RBM24: variants seen among roughly 807,000 people sequenced by gnomAD.
The protein encoded by RBM24 is RNA-binding protein 24.
RBM24 carries 5 observed loss-of-function variants against 23.6 expected under a neutral mutation model. That is an observed-to-expected ratio of 0.21 (90% CI 0.11 to 0.45). The LOEUF (loss-of-function observed/expected upper bound fraction) is 0.45, where lower values mean the gene tolerates loss of function less well. RBM24 is among the 20% of genes least tolerant of loss of function. The probability of loss-of-function intolerance (pLI) is 0.99; values close to 1 mark genes in which losing one functional copy is unlikely to be tolerated. For synonymous variants in RBM24, 151 were observed against 129.5 expected (o/e 1.17, Z -1.13); for missense variants, 252 against 314.6 (o/e 0.80, Z 1.51).
intron 3 of RBM24, chr6:17,290,776 T>C (rs142263673): frequency 1.0e-6 from 1 of 972,642 alleles, no homozygotes; most frequent in Non-Finnish European, 1.4e-6. Context: ...AAATATTTAG[T>C]TGTACTTCCC....
At position 17,292,228 on chromosome 6, in the gene RBM24, A is replaced by C. The variant is rs1760392186; in HGVS notation, c.*109A>C. The C allele has an allele frequency of 1.9e-6, 2 of 1,044,192 alleles. No homozygotes were observed. The allele number at this position is 1,044,192 out of a possible 1,614,324, so 64.7% of individuals were successfully genotyped here. A position where few individuals can be genotyped will look rare whatever the true frequency, so the allele number is the denominator to read the frequency against. On this transcript the variant is annotated 3_prime_UTR_variant, in exon 4 of 4. Coordinates refer to ENST00000379052, the MANE Select transcript of RBM24 (RefSeq NM_001143942.2). ...TGACTTAACAGCTTTAAAAAAAAAA[A>C]CAGCCATGCTATTGTGAAGCAGAGT...
chr6:17,291,351 T>C (rs897698142), intron 3 of RBM24, among the ~76,000 whole-genome samples: 2 of 152,198 alleles, frequency 1.3e-5, no homozygotes, highest in African/African-American at 4.8e-5. Context: ...TGGCTAAGAA[T>C]TTTTCTATTT....
In RBM24 at chr6:17,281,971, C is replaced by T; in HGVS notation, c.168+222C>T. On this transcript the variant is annotated intron_variant, in intron 1 of 3. Coordinates refer to ENST00000379052, the MANE Select transcript of RBM24 (RefSeq NM_001143942.2). This position sits in a 1 kb window ranked among gnomAD's most constrained non-coding sequence, Gnocchi z 7.1. ...ACCCAGCGCTGTGCGAGGTCGGGGGCCGGGCAGGGCAGAGCAGGGGTGAAA... is the reference window on the plus strand; with the variant it reads ...ACCCAGCGCTGTGCGAGGTCGGGGGTCGGGCAGGGCAGAGCAGGGGTGAAA... 1.5e-6 allele frequency: 2 copies of T among 1,367,178 alleles called. 1 individual carries two copies. The highest frequency in any genetic ancestry group is 3.0e-5 in the South Asian group (2 of 65,862). 84.7% of individuals were successfully genotyped at this position (1,367,178 alleles called of 1,614,324 possible).
At chr6:17,282,327 A>C in intron 1 of RBM24, 1 of 1,078,164 alleles carries the variant, frequency 9.3e-7, no homozygotes, top group Non-Finnish European at 1.3e-6. Flanking sequence ...GCCGAAGAGC[A>C]GGGAGCCCCA....
intron 2 of RBM24, among the ~76,000 whole-genome samples, chr6:17,283,398 G>A (rs780289683): frequency 1.3e-5 from 2 of 152,116 alleles, no homozygotes; most frequent in Non-Finnish European, 2.9e-5. Context: ...TAAGGGGTAG[G>A]GGCGATGTCC....
chr6:17,283,093 A>G, intron 2 of RBM24, 165 bp downstream of exon 2: 1 of 587,376 alleles, frequency 1.7e-6, no homozygotes, highest in Non-Finnish European at 3.0e-6. Flanking sequence ...TGAGAGTTGT[A>G]AATACTCCTC....
At chr6:17,283,926 C>T (rs534907324) in intron 2 of RBM24, among the ~76,000 whole-genome samples, 29 of 152,324 alleles carry the variant, frequency 1.9e-4, no homozygotes, top group African/African-American at 7.0e-4. Flanking sequence ...ATTTACAACA[C>T]TGCCCTTTGC....
chr6:17,287,778 C>T (rs1239701040), intron 3 of RBM24, among the ~76,000 whole-genome samples: 1 of 151,644 alleles, frequency 6.6e-6, no homozygotes, highest in African/African-American at 2.4e-5. Context: ...CACTGCACTC[C>T]AGCCTGGGCG....
At chr6:17,289,877 T>C (rs1581435891) in intron 3 of RBM24, 1 of 1,227,960 alleles carries the variant, frequency 8.1e-7, no homozygotes, top group Non-Finnish European at 1.0e-6. Flanking sequence ...CACGGCAGCC[T>C]CCAGGGACAG....
rs770266867 is a variant in RBM24, at chr6:17,292,158, C to T, written c.*39C>T. 1.3e-5 allele frequency: 19 copies of T among 1,458,292 alleles called. No individual in the cohort carries two copies. The Middle Eastern group carries it at 5.5e-4, about 42-fold the overall frequency. 90.3% of individuals were successfully genotyped at this position (1,458,292 alleles called of 1,614,324 possible). ...TCAAAGTTGAATTGTTTTCTCTTTC[C>T]CTCCCAATTTTCCAATTTTTAGTAG... On this transcript the variant is annotated 3_prime_UTR_variant, in exon 4 of 4. Coordinates refer to ENST00000379052, the MANE Select transcript of RBM24 (RefSeq NM_001143942.2).
chr6:17,281,808 T>A lies in RBM24; in HGVS notation c.168+59T>A, dbSNP rs1581427062. On this transcript the variant is annotated intron_variant, in intron 1 of 3. Transcript: ENST00000379052. This position sits in a 1 kb window ranked among gnomAD's most constrained non-coding sequence, Gnocchi z 7.1. Reference sequence around the variant, plus strand: ...ACGGAGTGGCGGCTGACCCCGGGGATCGGGAGCTTGGAGTGAGGGGCTCGG... The same window carrying A: ...ACGGAGTGGCGGCTGACCCCGGGGAACGGGAGCTTGGAGTGAGGGGCTCGG... 6.5e-7 allele frequency: 1 copy of A among 1,533,792 alleles called. No individual in the cohort carries two copies. Among genetic ancestry groups the A allele is most frequent in the East Asian group, 2.5e-5 (1 of 39,714 alleles).
chr6:17,287,121 C>G (rs562396426), intron 3 of RBM24, among the ~76,000 whole-genome samples: 1 of 152,308 alleles, frequency 6.6e-6, no homozygotes, highest in South Asian at 2.1e-4. Flanking sequence ...TGAGCTTTCT[C>G]TTTCTTTTTT....
chr6:17,281,908 G>A lies in RBM24; in HGVS notation c.168+159G>A, dbSNP rs1760028195. Among the ~76,000 whole-genome samples the A allele has an allele frequency of 6.6e-6, 1 of 152,276 alleles. No homozygotes were observed. Among genetic ancestry groups the A allele is most frequent in the South Asian group, 2.1e-4 (1 of 4,824 alleles). On this transcript the variant is annotated intron_variant, in intron 1 of 3. Coordinates refer to ENST00000379052, the MANE Select transcript of RBM24 (RefSeq NM_001143942.2). The surrounding 1 kb of genome is among the most constrained non-coding windows in gnomAD (Gnocchi z 7.1). ...CGGGGTGAACTGAAACTTTGCTAGG[G>A]GAGAGGGTCGGCGCCAGCCTCGCGG... is the stretch of plus-strand genomic sequence containing the variant.
At chr6:17,287,235 G>A (rs551130771) in intron 3 of RBM24, among the ~76,000 whole-genome samples, 2 of 152,192 alleles carry the variant, frequency 1.3e-5, no homozygotes, top group East Asian at 3.9e-4. Context: ...TTTTAGGCCT[G>A]GAAAGAAACT....
chr6:17,282,678 A>G (rs1471789468), intron 1 of RBM24, 127 bp from the exon 2 acceptor site: 3 of 1,231,226 alleles, frequency 2.4e-6, no homozygotes, highest in Non-Finnish European at 1.1e-6. Context: ...AGCCAAAAGA[A>G]GCAAAGAATA....
At chr6:17,285,262 AGTG>A (rs1023747492) in intron 3 of RBM24, 2 of 152,222 alleles carry the variant, frequency 1.3e-5, no homozygotes, top group African/African-American at 2.4e-5. Context: ...ACAGTAATGA[AGTG>A]GTGTTGATAG....
intron 1 of RBM24, chr6:17,282,300 A>T (rs1760047750): frequency 8.0e-7 from 1 of 1,255,530 alleles, no homozygotes; most frequent in African/African-American, 1.5e-5. Context: ...TAGAGATTTA[A>T]GCGTGCAAAT....
intron 3 of RBM24, chr6:17,285,012 C>T (rs548512466): frequency 7.0e-5 from 16 of 229,460 alleles, no homozygotes; most frequent in African/African-American, 2.5e-4. Flanking sequence ...TACTACTGTT[C>T]GACTTGACTC....
chr6:17,290,463 C>T (rs532470251), intron 3 of RBM24, among the ~76,000 whole-genome samples: 1 of 152,166 alleles, frequency 6.6e-6, no homozygotes, highest in South Asian at 2.1e-4. Context: ...TGTTTAAATA[C>T]CTCTTGTGAT....
Sources: allele counts gnomAD v4.1 joint callset (sites outside exome capture counted in the v4.1 genomes callset), GRCh38; gene constraint gnomAD v4.1.1; non-coding constraint Gnocchi (gnomAD v3.1); transcripts MANE v1.5; gene names NCBI Gene and HGNC (gene_info 2026-07-23, HGNC 2026-07-21).